MTA3: variants seen among roughly 807,000 people sequenced by gnomAD.
The protein encoded by MTA3 is metastasis associated 1 family member 3.
Under a neutral mutation model 83.5 loss-of-function variants are expected in MTA3, and 34 were observed. The observed-to-expected ratio is 0.41, with a 90% CI of 0.31 to 0.54. The LOEUF is 0.54. MTA3 is among the 20% of genes least tolerant of loss of function. MTA3 has a pLI of 0.33. For synonymous variants in MTA3, 303 were observed against 252.7 expected (o/e 1.20, Z -1.89); for missense variants, 761 against 726.4 (o/e 1.05, Z -0.55).
chr2:42,529,867 C>T (rs910363457), intron 2 of MTA3, among the ~76,000 whole-genome samples: 2 of 152,176 alleles, frequency 1.3e-5, no homozygotes, highest in African/African-American at 2.4e-5. Flanking sequence ...CCAGATGAGT[C>T]GGTCAGAGAG....
At position 42,563,141 on chromosome 2, in the gene MTA3, C is replaced by G. The variant is rs544873897; in HGVS notation, c.-140-7296C>G. ...AACTGATCTGGTCTGGAATCTCCAC[C>G]CTTTCTAATCCACTCTCTGTACTGC... is the stretch of plus-strand genomic sequence containing the variant. On this transcript the variant is annotated intron_variant, in intron 2 of 17. Transcript: ENST00000405592. Among the ~76,000 whole-genome samples, 13 of 152,252 alleles carry G rather than the reference C, an allele frequency of 8.5e-5. No individual in the cohort carries two copies. In the South Asian group the frequency reaches 2.7e-3, roughly 32 times the overall value.
intron 2 of MTA3, among the ~76,000 whole-genome samples, chr2:42,521,178 A>G (rs13033275): frequency 0.37 from 56,310 of 151,964 alleles, 10,616 homozygotes; most frequent in African/African-American, 0.43. Flanking sequence ...TCTTTCTTGG[A>G]CATATCTGTT....
Position 42,497,167 on chromosome 2 carries a change from T to C in MTA3, c.-141+1913T>C, listed in dbSNP as rs965161350. ...GTTGCAGTGAGCTGAGATTGTGCCA[T>C]TGGACTCCAGCCTGGGCTACAAGAG... On this transcript the variant is annotated intron_variant, in intron 2 of 17. Coordinates refer to the MTA3 transcript ENST00000405592. Among the ~76,000 whole-genome samples the C allele has an allele frequency of 2.7e-5, 4 of 149,486 alleles. No individual in the cohort carries two copies. In the East Asian group the frequency reaches 8.1e-4, roughly 30 times the overall value.
intron 14 of MTA3, among the ~76,000 whole-genome samples, chr2:42,709,883 T>G (rs1420218973): frequency 6.6e-6 from 1 of 152,250 alleles, no homozygotes; most frequent in Non-Finnish European, 1.5e-5. Context: ...CTTTTTTATT[T>G]TTATTTTTGT....
At chr2:42,546,900 A>G (rs562483113) in intron 2 of MTA3, among the ~76,000 whole-genome samples, 1 of 152,188 alleles carries the variant, frequency 6.6e-6, no homozygotes, top group African/African-American at 2.4e-5. Flanking sequence ...TAACGATACA[A>G]TGTGGCAGAA....
At chr2:42,719,185 G>T (rs968878339) in intron 15 of MTA3, 111 bp downstream of exon 15, 2 of 733,158 alleles carry the variant, frequency 2.7e-6, no homozygotes, top group Non-Finnish European at 2.3e-6. Context: ...TCAAATAGCC[G>T]AAATTGGATA....
chr2:42,667,621 A>AG (rs1690385863), intron 8 of MTA3, among the ~76,000 whole-genome samples: 118 of 114,116 alleles, frequency 1.0e-3, no homozygotes, highest in Non-Finnish European at 1.2e-3. Flanking sequence ...TAGAGAGAGA[A>AG]AGAGAGAGAG....
upstream of MTA3, among the ~76,000 whole-genome samples, chr2:42,494,330 C>T (rs951763620): frequency 6.6e-6 from 1 of 152,174 alleles, no homozygotes; most frequent in East Asian, 1.9e-4. Context: ...TCCCCAGGGC[C>T]CCTTTTAACA....
At chr2:42,539,091 G>T (rs1676402987) in intron 2 of MTA3, among the ~76,000 whole-genome samples, 1 of 152,186 alleles carries the variant, frequency 6.6e-6, no homozygotes, top group African/African-American at 2.4e-5. Context: ...AATGTTATAA[G>T]TGTTTCAATG....
chr2:42,608,733 AG>A (rs1168046346), intron 3 of MTA3, among the ~76,000 whole-genome samples: 1 of 152,006 alleles, frequency 6.6e-6, no homozygotes, highest in Non-Finnish European at 1.5e-5. Flanking sequence ...AAATACATAA[AG>A]TTAGCCAGGT....
Position 42,752,220 on chromosome 2 carries a change from C to T in MTA3, c.1760-1154C>T, listed in dbSNP as rs1669927347. On this transcript the variant is annotated intron_variant, in intron 16 of 16. Coordinates refer to ENST00000405094, the MANE Select transcript of MTA3 (RefSeq NM_001330442.2). The stretch of plus-strand genomic sequence containing the variant: ...CAAATACCAAGCTGGGTACAGGTAT[C>T]TTCCCTATCCTAGAAAAGCTCATGA... The T allele has an allele frequency of 6.4e-6, 3 of 471,320 alleles. No individual in the cohort carries two copies. The Admixed American group carries it at 7.0e-5, about 11-fold the overall frequency. The allele number at this position is 471,320 out of a possible 1,614,324, so 29.2% of individuals were successfully genotyped here.
At chr2:42,734,237 T>C (rs1442703948) in intron 16 of MTA3, among the ~76,000 whole-genome samples, 2 of 152,306 alleles carry the variant, frequency 1.3e-5, no homozygotes, top group Middle Eastern at 3.4e-3. Context: ...ATATTTGTAA[T>C]TGTTACTGCC....
At chr2:42,680,914 T>C (rs1691833633) in intron 8 of MTA3, among the ~76,000 whole-genome samples, 1 of 60,500 alleles carries the variant, frequency 1.7e-5, no homozygotes, top group Non-Finnish European at 3.0e-5. Flanking sequence ...CCACCATGCC[T>C]GTTTTTTTGT....
intron 2 of MTA3, among the ~76,000 whole-genome samples, chr2:42,528,793 G>A (rs1357399444): frequency 6.6e-5 from 10 of 152,190 alleles, no homozygotes; most frequent in Non-Finnish European, 1.5e-5. Context: ...AGCAAAGAAC[G>A]ACTTGTGACT....
At chr2:42,524,758 GAA>G (rs2103702560) in intron 2 of MTA3, among the ~76,000 whole-genome samples, 1 of 150,078 alleles carries the variant, frequency 6.7e-6, no homozygotes, top group Admixed American at 6.7e-5. Context: ...CTCAGAACCT[GAA>G]AACACTAGGG....
chr2:42,704,415 T>C (rs939679790), intron 12 of MTA3, 97 bp downstream of exon 12: 7 of 1,435,442 alleles, frequency 4.9e-6, no homozygotes, highest in Non-Finnish European at 6.6e-6. Flanking sequence ...ACGGTGCACC[T>C]TGGAAGGCAC....
At chr2:42,593,507 AGTAATGCTTTGT>A (rs1481289775) in intron 3 of MTA3, among the ~76,000 whole-genome samples, 1 of 152,214 alleles carries the variant, frequency 6.6e-6, no homozygotes, top group Admixed American at 6.5e-5. Flanking sequence ...CAGACATGTG[AGTAATGCTTTGT>A]GCCATGATAT....
chr2:42,638,968 T>C (rs1463066037), intron 4 of MTA3, among the ~76,000 whole-genome samples: 2 of 151,954 alleles, frequency 1.3e-5, no homozygotes, highest in Non-Finnish European at 1.5e-5. Flanking sequence ...TTAGCACTTT[T>C]AGTATTTTAT....
chr2:42,579,228 A>G (rs1679354758), intron 3 of MTA3, 28 bp downstream of exon 3: 2 of 1,504,810 alleles, frequency 1.3e-6, no homozygotes, highest in Admixed American at 2.2e-5. Flanking sequence ...GATTAAAAAA[A>G]CGTTTTAAGT....
Sources: allele counts gnomAD v4.1 joint callset (sites outside exome capture counted in the v4.1 genomes callset), GRCh38; gene constraint gnomAD v4.1.1; transcripts MANE v1.5; gene names NCBI Gene and HGNC (gene_info 2026-07-23, HGNC 2026-07-21).